SLC5A8: variants seen among roughly 807,000 people sequenced by gnomAD.
SLC5A8 encodes the protein solute carrier family 5 member 8.
In SLC5A8, 55 loss-of-function variants were observed where a neutral mutation model predicts 71.9. The observed-to-expected ratio is 0.77, with a 90% CI of 0.62 to 0.96. The LOEUF (loss-of-function observed/expected upper bound fraction) is 0.96. Among genes scored for constraint, SLC5A8 ranks in the 40% least tolerant of loss-of-function variants. The pLI is 0.00. For missense variants in SLC5A8, 701 were observed against 745.3 expected, an observed-to-expected ratio of 0.94 and a Z score of 0.69; for synonymous variants, 307 against 276.1, an observed-to-expected ratio of 1.11 and a Z score of -1.11.
chr12:101,204,525 C>G lies in SLC5A8; in HGVS notation c.392G>C (p.Gly131Ala). 1 of 1,599,838 alleles carries G rather than the reference C, an allele frequency of 6.3e-7. No homozygotes were observed. The highest frequency in any genetic ancestry group is 1.2e-5 in the South Asian group (1 of 86,482). ...TGTTTGAACAATGAAGAGGACTGTT[C>G]CACAGAGACGAACACATTTGTTAAA... ...LRFNKCVRLC[G>A]TVLFIVQTIL... Residue 131 changes from glycine (G) to alanine (A), a missense_variant, in exon 2 of 15, where the codon GGA becomes GCA. Physicochemically the swap from Gly to Ala is moderately conservative, Grantham distance 60. Transcript: ENST00000536262.
chr12:101,165,621 A>G (rs1425325038), intron 12 of SLC5A8, among the ~76,000 whole-genome samples: 1 of 152,180 alleles, frequency 6.6e-6, no homozygotes, highest in East Asian at 1.9e-4. Context: ...CCCACTGGCT[A>G]GCTTTCTCAT....
Position 101,155,966 on chromosome 12 carries a change from T to C in SLC5A8, c.*1313A>G, listed in dbSNP as rs2051656789. On this transcript the variant is annotated 3_prime_UTR_variant, in exon 15 of 15. Coordinates refer to ENST00000536262, the MANE Select transcript of SLC5A8 (RefSeq NM_145913.5). ...CTTATGTTTCTAAAAAAAATTGAGT[T>C]TAAAAAAGAACTTTTAAACAGTATC... 1 of 152,070 alleles carries C rather than the reference T, an allele frequency of 6.6e-6. No homozygotes were observed. The highest frequency in any genetic ancestry group is 6.6e-5 in the Admixed American group (1 of 15,246). The allele number at this position is 152,070 out of a possible 1,614,324, so 9.4% of individuals were successfully genotyped here. A position where few individuals can be genotyped will look rare whatever the true frequency, so the allele number is the denominator to read the frequency against.
chr12:101,158,154 A>C (rs1182193946), intron 14 of SLC5A8, 95 bp downstream of exon 14: 1 of 878,582 alleles, frequency 1.1e-6, no homozygotes, highest in African/African-American at 1.7e-5. Context: ...TTCCTTGTCC[A>C]TCACTTTTCA....
At chr12:101,209,451 C>T (rs1232806839) in intron 1 of SLC5A8, 47 bp downstream of exon 1, 1 of 1,453,398 alleles carries the variant, frequency 6.9e-7, no homozygotes. Flanking sequence ...TCTGCAGAGT[C>T]CCCTTCCCCC....
At chr12:101,181,706 TA>T (rs911539103) in intron 9 of SLC5A8, among the ~76,000 whole-genome samples, 1 of 152,188 alleles carries the variant, frequency 6.6e-6, no homozygotes, top group African/African-American at 2.4e-5. Context: ...TTCATTCTAC[TA>T]AACCACACAG....
At chr12:101,159,174 G>A (rs1437240135) in intron 13 of SLC5A8, among the ~76,000 whole-genome samples, 1 of 152,060 alleles carries the variant, frequency 6.6e-6, no homozygotes, top group Non-Finnish European at 1.5e-5. Flanking sequence ...AAATTTCCAA[G>A]AGGATCCTTA....
chr12:101,188,465 C>T (rs1264870751), intron 6 of SLC5A8, among the ~76,000 whole-genome samples: 1 of 152,090 alleles, frequency 6.6e-6, no homozygotes, highest in African/African-American at 2.4e-5. Context: ...TCTTCCCAAC[C>T]CCCGCAGGAA....
chr12:101,202,344 C>T (rs1166176384), intron 2 of SLC5A8, 129 bp from the exon 3 acceptor site: 4 of 869,956 alleles, frequency 4.6e-6, no homozygotes, highest in Admixed American at 3.6e-5. Context: ...TTCAAAACAC[C>T]TAATAAAATT....
chr12:101,184,384 C>T (rs1447974271), intron 7 of SLC5A8, among the ~76,000 whole-genome samples, 162 bp from the exon 8 acceptor site: 1 of 152,194 alleles, frequency 6.6e-6, no homozygotes, highest in Non-Finnish European at 1.5e-5. Flanking sequence ...ACTACTAACA[C>T]TTAGAGAAAC....
intron 12 of SLC5A8, among the ~76,000 whole-genome samples, chr12:101,163,052 C>A (rs192018519): frequency 1.1e-3 from 160 of 152,138 alleles, no homozygotes; most frequent in African/African-American, 3.6e-3. Context: ...ATCTGAGAAA[C>A]AAAATGTTCT....
At chr12:101,166,927 G>A (rs1275921179) in intron 11 of SLC5A8, among the ~76,000 whole-genome samples, 2 of 151,976 alleles carry the variant, frequency 1.3e-5, no homozygotes, top group African/African-American at 2.4e-5. Flanking sequence ...AGAAAAAGGA[G>A]TGAGAAAGGC....
At position 101,158,306 on chromosome 12, in the gene SLC5A8, G is replaced by T; in HGVS notation, c.1653C>A (p.Asp551Glu). The T allele has an allele frequency of 2.5e-6, 4 of 1,584,996 alleles. No homozygotes were observed. Among genetic ancestry groups the T allele is most frequent in the Non-Finnish European group, 2.6e-6 (3 of 1,162,976 alleles). ...CCTCTTTGGTTAGTATGTATCTGGG[G>T]TCTAAGTTCTGTTTTCTTCCTCCTG... ...LSTGGRKQNL[D>E]PRYILTKEDF... Residue 551 changes from aspartate (D) to glutamate (E), a missense_variant, in exon 14 of 15, where the codon GAC (aspartate) becomes GAA (glutamate). Transcript: ENST00000536262.
intron 1 of SLC5A8, 38 bp downstream of exon 1, chr12:101,209,460 C>A: frequency 6.7e-7 from 1 of 1,493,970 alleles, no homozygotes; most frequent in South Asian, 1.3e-5. Flanking sequence ...TCCCCTTCCC[C>A]CGCGCCCTGC....
At position 101,168,157 on chromosome 12, in the gene SLC5A8, A is replaced by T; in HGVS notation, c.1259T>A (p.Val420Asp). ...GAACAGGCCCATAAGTGGTCCACCAACCATACCAAATACGCTGAGTGCTGC... is the reference window on the plus strand; with the variant it reads ...GAACAGGCCCATAAGTGGTCCACCATCCATACCAAATACGCTGAGTGCTGC... ...LQAALSVFGM[V>D]GGPLMGLFAL... Residue 420 changes from valine (V) to aspartate (D), a missense_variant, in exon 11 of 15, where the codon GTT (valine) becomes GAT (aspartate). Physicochemically the swap from Val to Asp is radical, Grantham distance 152. Coordinates refer to ENST00000536262, the MANE Select transcript of SLC5A8 (RefSeq NM_145913.5). 6.2e-7 allele frequency: 1 copy of T among 1,609,514 alleles called. No homozygotes were observed. The highest frequency in any genetic ancestry group is 8.5e-7 in the Non-Finnish European group (1 of 1,177,770).
At position 101,179,933 on chromosome 12, in the gene SLC5A8, C is replaced by T. The variant is rs943291032; in HGVS notation, c.1233+96G>A. On this transcript the variant is annotated intron_variant, in intron 10 of 14. Coordinates refer to ENST00000536262, the MANE Select transcript of SLC5A8 (RefSeq NM_145913.5). Reference sequence around the variant, plus strand: ...CCTGCCACTTGATATGTCCAGGTGTCGATATATATCGAGAGAAGTCTGGAA... The same window carrying T: ...CCTGCCACTTGATATGTCCAGGTGTTGATATATATCGAGAGAAGTCTGGAA... 15 of 1,279,244 alleles carry T rather than the reference C, an allele frequency of 1.2e-5. No individual in the cohort carries two copies. The African/African-American group carries it at 1.6e-4, about 14-fold the overall frequency. The allele number at this position is 1,279,244 out of a possible 1,614,324, so 79.2% of individuals were successfully genotyped here.
chr12:101,173,065 C>T (rs994922276), intron 10 of SLC5A8, among the ~76,000 whole-genome samples: 1 of 152,184 alleles, frequency 6.6e-6, no homozygotes, highest in Non-Finnish European at 1.5e-5. Context: ...ATTTGCCAGG[C>T]CTGAATAGCC....
At chr12:101,176,961 CA>C (rs2051884941) in intron 10 of SLC5A8, among the ~76,000 whole-genome samples, 1 of 151,694 alleles carries the variant, frequency 6.6e-6, no homozygotes, top group Admixed American at 6.6e-5. Context: ...AAAAACAACA[CA>C]GAAAAATCAA....
At chr12:101,187,133 A>G (rs552600555) in intron 7 of SLC5A8, among the ~76,000 whole-genome samples, 31 of 152,078 alleles carry the variant, frequency 2.0e-4, no homozygotes, top group African/African-American at 7.2e-4. Context: ...CCTACTCCCA[A>G]CCTTGAGCTA....
rs1389058611 is a variant in SLC5A8 at position 101,155,825 on chromosome 12, A to G, written c.*1454T>C. On this transcript the variant is annotated 3_prime_UTR_variant, in exon 15 of 15. Transcript: ENST00000536262. ...TTTTTTTTTTTTTAAATTTCTTAAC[A>G]TTGTCAGTTAGCAACCTCTAAATGT... The G allele has an allele frequency of 6.7e-6, 1 of 149,836 alleles. No homozygotes were observed. The highest frequency in any genetic ancestry group is 2.5e-5 in the African/African-American group (1 of 40,684). The allele number at this position is 149,836 out of a possible 1,614,324, so 9.3% of individuals were successfully genotyped here.
Sources: allele counts gnomAD v4.1 joint callset (sites outside exome capture counted in the v4.1 genomes callset), GRCh38; gene constraint gnomAD v4.1.1; transcripts MANE v1.5; gene names NCBI Gene and HGNC (gene_info 2026-07-23, HGNC 2026-07-21).